Variants in SETD2 observed in about 807,000 individuals in gnomAD.
The protein encoded by SETD2 is histone-lysine N-methyltransferase SETD2.
In SETD2, 31 loss-of-function variants were observed where a neutral mutation model predicts 242.1. That is an observed-to-expected ratio of 0.13 (90% CI 0.10 to 0.17). The LOEUF (loss-of-function observed/expected upper bound fraction) is 0.17, where lower values mean the gene tolerates loss of function less well. Among genes scored for constraint, SETD2 ranks in the 10% least tolerant of loss-of-function variants. SETD2 has a pLI of 1.00. For missense variants in SETD2, 2,481 were observed against 3,046.3 expected (o/e 0.81, Z 4.37); for synonymous variants, 1,006 against 1,066.5 (o/e 0.94, Z 1.11).
intron 1 of SETD2, among the ~76,000 whole-genome samples, chr3:47,141,039 C>T (rs1323730532): frequency 1.3e-5 from 2 of 151,770 alleles, no homozygotes; most frequent in African/African-American, 4.8e-5. Flanking sequence ...CTGCCCTCAC[C>T]CAGGCTGGAG....
intron 11 of SETD2, among the ~76,000 whole-genome samples, chr3:47,085,082 A>T (rs1018081899): frequency 2.0e-5 from 3 of 152,162 alleles, no homozygotes; most frequent in African/African-American, 7.2e-5. Context: ...TTTCTGCAAG[A>T]GTAGTGCAGT....
chr3:47,090,590 C>A (rs2041759909), intron 9 of SETD2, among the ~76,000 whole-genome samples: 1 of 151,986 alleles, frequency 6.6e-6, no homozygotes, highest in African/African-American at 2.4e-5. Context: ...CAGGGTTTCA[C>A]CATGTTAGCC....
At chr3:47,027,115 C>G (rs7372834) in intron 18 of SETD2, among the ~76,000 whole-genome samples, 4,960 of 152,008 alleles carry the variant, frequency 0.033, 233 homozygotes, top group East Asian at 0.13. Context: ...GTGGGCAGAT[C>G]ACAAGGTCAG....
At chr3:47,126,769 C>T (rs1244942791) in intron 1 of SETD2, 106 bp from the exon 2 acceptor site, 2 of 668,186 alleles carry the variant, frequency 3.0e-6, no homozygotes, top group Admixed American at 2.5e-5. Flanking sequence ...GGGATACTTA[C>T]TACCTACAGG....
At chr3:47,037,569 T>C (rs957663981) in intron 18 of SETD2, 97 bp downstream of exon 18, 4 of 878,260 alleles carry the variant, frequency 4.6e-6, no homozygotes, top group Non-Finnish European at 7.5e-6. Flanking sequence ...CACTCACTTA[T>C]TTTTCAGAAT....
intron 12 of SETD2, among the ~76,000 whole-genome samples, chr3:47,075,564 CAAAAAAAAAAAA>C (rs55635941): frequency 3.3e-4 from 25 of 76,456 alleles, no homozygotes; most frequent in African/African-American, 2.6e-4. Flanking sequence ...AACTCCGTCT[CAAAAAAAAAAAA>C]AAAAAAAAAA....
At chr3:47,113,840 A>G (rs1354239246) in intron 5 of SETD2, 36 bp downstream of exon 5, 2 of 1,599,132 alleles carry the variant, frequency 1.3e-6, no homozygotes, top group Non-Finnish European at 1.7e-6. Flanking sequence ...CCTTGTCTCA[A>G]AAAAGGAAGT....
intron 12 of SETD2, among the ~76,000 whole-genome samples, chr3:47,075,358 G>C (rs1019052214): frequency 2.0e-5 from 3 of 151,572 alleles, no homozygotes; most frequent in Non-Finnish European, 4.4e-5. Context: ...TCGGGAGTTC[G>C]AGACCAGCCT....
At chr3:47,105,407 C>A (rs771613411) in intron 6 of SETD2, among the ~76,000 whole-genome samples, 2 of 88,298 alleles carry the variant, frequency 2.3e-5, no homozygotes, top group African/African-American at 5.4e-5. Context: ...AAGACACTAT[C>A]TCTAAAAAAA....
chr3:47,130,776 G>GA (rs896947601), intron 1 of SETD2, among the ~76,000 whole-genome samples: 77 of 145,546 alleles, frequency 5.3e-4, no homozygotes, highest in African/African-American at 1.5e-3. Context: ...CTACTACAGA[G>GA]AAAAAAAAAA....
intron 1 of SETD2, among the ~76,000 whole-genome samples, chr3:47,150,284 C>T (rs1209956222): frequency 2.0e-5 from 3 of 151,930 alleles, no homozygotes; most frequent in African/African-American, 7.2e-5. Flanking sequence ...GTGATTCGCC[C>T]GCCTCGGCCT....
intron 1 of SETD2, among the ~76,000 whole-genome samples, chr3:47,150,028 C>CATTTTTTTT (rs776222172): frequency 3.2e-5 from 3 of 92,446 alleles, no homozygotes; most frequent in South Asian, 7.6e-4. Context: ...TCCAAAAATA[C>CATTTTTTTT]TTTTTTTTTT....
intron 1 of SETD2, among the ~76,000 whole-genome samples, chr3:47,147,171 C>T (rs900990591): frequency 6.6e-6 from 1 of 151,748 alleles, no homozygotes; most frequent in Non-Finnish European, 1.5e-5. Flanking sequence ...CCACCACACC[C>T]GCTAATTTTT....
At chr3:47,072,124 C>T (rs912577354) in intron 12 of SETD2, among the ~76,000 whole-genome samples, 7 of 151,874 alleles carry the variant, frequency 4.6e-5, no homozygotes, top group African/African-American at 7.3e-5. Context: ...CTGGCTAACA[C>T]GGTGAAACCC....
chr3:47,054,379 T>C (rs1182014262), intron 15 of SETD2, among the ~76,000 whole-genome samples: 1 of 152,220 alleles, frequency 6.6e-6, no homozygotes, highest in Non-Finnish European at 1.5e-5. Context: ...CTTTAATGGA[T>C]ATCTTTCATT....
At chr3:47,054,622 C>T (rs2039979163) in intron 15 of SETD2, among the ~76,000 whole-genome samples, 1 of 152,072 alleles carries the variant, frequency 6.6e-6, no homozygotes, top group Non-Finnish European at 1.5e-5. Context: ...ATACTCTCTC[C>T]CTACACACAC....
intron 13 of SETD2, among the ~76,000 whole-genome samples, chr3:47,066,781 A>T (rs1321560089): frequency 1.3e-5 from 2 of 150,480 alleles, no homozygotes; most frequent in African/African-American, 4.8e-5. Context: ...AGACTAAATA[A>T]AAAAAATAAA....
intron 18 of SETD2, among the ~76,000 whole-genome samples, chr3:47,033,747 C>A (rs1012741846): frequency 6.6e-6 from 1 of 151,130 alleles, no homozygotes; most frequent in Non-Finnish European, 1.5e-5. Context: ...CTGCAACCCC[C>A]GTCTCCCGGG....
At chr3:47,131,429 C>T (rs886673733) in intron 1 of SETD2, among the ~76,000 whole-genome samples, 7 of 152,040 alleles carry the variant, frequency 4.6e-5, no homozygotes, top group African/African-American at 1.4e-4. Flanking sequence ...CTGCAAGCTC[C>T]GCCTCCCAGG....
Sources: gnomAD v4.1 joint callset for allele counts (sites outside exome capture counted in the v4.1 genomes callset) on GRCh38, gnomAD v4.1.1 for gene constraint, MANE v1.5 for transcripts, NCBI Gene and HGNC (gene_info 2026-07-23, HGNC 2026-07-21) for gene names.